The following TAFA2 variants were observed in gnomAD, a reference collection of about 807,000 sequenced individuals.
The protein encoded by TAFA2 is TAFA chemokine like family member 2.
In TAFA2, 7 loss-of-function variants were observed where a neutral mutation model predicts 18.8. That is an observed-to-expected ratio of 0.37 (90% CI 0.21 to 0.70). The LOEUF is 0.70. Among genes scored for constraint, TAFA2 ranks in the 30% least tolerant of loss-of-function variants. The pLI is 0.53. For synonymous variants in TAFA2, 60 were observed against 54.2 expected (o/e 1.11, Z -0.47); for missense variants, 122 against 158.1 (o/e 0.77, Z 1.23).
At chr12:61,761,230 T>A (rs1455293021) in intron 2 of TAFA2, among the ~76,000 whole-genome samples, 1 of 152,072 alleles carries the variant, frequency 6.6e-6, no homozygotes, top group Non-Finnish European at 1.5e-5. Context: ...TCAAGCTGCT[T>A]TTTTGATGTA....
intron 1 of TAFA2, among the ~76,000 whole-genome samples, chr12:62,082,556 G>A (rs868727834): frequency 1.3e-5 from 2 of 152,210 alleles, no homozygotes; most frequent in South Asian, 4.2e-4. Context: ...TGAGGCGCTG[G>A]GGCTATCTGA....
At position 61,708,308 on chromosome 12, in the gene TAFA2, A is replaced by G. The variant is rs1869235839; in HGVS notation, c.*2098T>C. On this transcript the variant is annotated 3_prime_UTR_variant, in exon 5 of 5. Coordinates refer to ENST00000416284, the MANE Select transcript of TAFA2 (RefSeq NM_178539.5). ...ATCCCAATTTTATTCACCTTTTCTG[A>G]ATAGTCACAACATTAATCTACTGGG... 6.6e-6 allele frequency: 1 copy of G among 152,148 alleles called. No individual in the cohort carries two copies. Among genetic ancestry groups the G allele is most frequent in the South Asian group, 2.1e-4 (1 of 4,828 alleles). 9.4% of individuals were successfully genotyped at this position (152,148 alleles called of 1,614,324 possible).
At chr12:62,254,473 G>A (rs2062928871) in intron 1 of TAFA2, among the ~76,000 whole-genome samples, 1 of 152,026 alleles carries the variant, frequency 6.6e-6, no homozygotes, top group African/African-American at 2.4e-5. Context: ...TAAATTATTT[G>A]TAGAGGTATA....
chr12:61,921,598 G>A (rs1357973333), intron 1 of TAFA2, among the ~76,000 whole-genome samples: 1 of 151,986 alleles, frequency 6.6e-6, no homozygotes, highest in Non-Finnish European at 1.5e-5. Context: ...TGTGTGCAGT[G>A]GGATCAAGAT....
At chr12:61,974,883 C>T (rs111437820) in intron 1 of TAFA2, among the ~76,000 whole-genome samples, 20 of 151,822 alleles carry the variant, frequency 1.3e-4, no homozygotes, top group East Asian at 3.9e-4. Context: ...GTGAGTTCAT[C>T]GAAGTATCAG....
chr12:62,169,937 C>T lies in TAFA2; in HGVS notation c.-2+21322G>A, dbSNP rs2062465859. On this transcript the variant is annotated intron_variant, in intron 1 of 4. Transcript: ENST00000416284. ...TTTTGTTAATTTGTTCTACCCAAAA[C>T]TGATAGTAGCTGTATAATAAAAATG... 5.3e-5 allele frequency among the ~76,000 whole-genome samples: 8 copies of T among 150,040 alleles called. 1 individual carries two copies. The South Asian group carries it at 1.7e-3, about 31-fold the overall frequency.
At chr12:61,886,693 G>A (rs958513234) in intron 1 of TAFA2, among the ~76,000 whole-genome samples, 2 of 152,116 alleles carry the variant, frequency 1.3e-5, no homozygotes, top group Non-Finnish European at 2.9e-5. Flanking sequence ...TAATTGAAAG[G>A]ATGTACATTA....
intron 2 of TAFA2, among the ~76,000 whole-genome samples, chr12:61,789,543 A>T (rs111463332): frequency 0.018 from 2,690 of 151,878 alleles, 74 homozygotes; most frequent in African/African-American, 0.06. Context: ...GCCTGTCAGG[A>T]GGCTGGGGGC....
chr12:61,812,059 C>T lies in TAFA2; in HGVS notation c.106+55261G>A, dbSNP rs1565642533. Among the ~76,000 whole-genome samples, 5 of 151,136 alleles carry T rather than the reference C, an allele frequency of 3.3e-5. No individual in the cohort carries two copies. In the East Asian group the frequency reaches 9.7e-4, roughly 29 times the overall value. On this transcript the variant is annotated intron_variant, in intron 2 of 4. Coordinates refer to ENST00000416284, the MANE Select transcript of TAFA2 (RefSeq NM_178539.5). ...TATGTGATTAATGATAGTGAGAAGG[C>T]CTACTCAAAAATCTCATGGGGCCAA...
intron 1 of TAFA2, among the ~76,000 whole-genome samples, chr12:61,993,686 G>T (rs1459619293): frequency 6.6e-6 from 1 of 152,120 alleles, no homozygotes; most frequent in Admixed American, 6.5e-5. Context: ...TTCTGTCCAT[G>T]CTAATCCCTA....
intron 1 of TAFA2, among the ~76,000 whole-genome samples, chr12:61,979,769 C>G (rs141791161): frequency 1.3e-5 from 2 of 152,094 alleles, no homozygotes; most frequent in East Asian, 1.9e-4. Context: ...GGCACCACCC[C>G]CTCCCCAGTG....
intron 1 of TAFA2, among the ~76,000 whole-genome samples, chr12:62,248,302 C>A (rs2062896814): frequency 1.3e-5 from 2 of 152,172 alleles, no homozygotes; most frequent in African/African-American, 4.8e-5. Context: ...TGTTAAGGGA[C>A]AGAATGTCTT....
chr12:62,093,377 T>C (rs2136837813), intron 1 of TAFA2, among the ~76,000 whole-genome samples: 1 of 152,144 alleles, frequency 6.6e-6, no homozygotes, highest in East Asian at 1.9e-4. Flanking sequence ...CAAATACATG[T>C]AATTAAAATA....
intron 2 of TAFA2, among the ~76,000 whole-genome samples, chr12:61,792,086 C>T (rs1366219245): frequency 6.6e-6 from 1 of 151,456 alleles, no homozygotes; most frequent in Non-Finnish European, 1.5e-5. Context: ...CTGAAGACAA[C>T]TGTGTTAAGT....
At chr12:61,879,913 G>T (rs1875043313) in intron 1 of TAFA2, 1 of 902,618 alleles carries the variant, frequency 1.1e-6, no homozygotes, top group Non-Finnish European at 1.9e-6. Flanking sequence ...TCCTCATCGA[G>T]AAGGATGTGG....
intron 1 of TAFA2, among the ~76,000 whole-genome samples, chr12:61,952,639 G>A (rs959376115): frequency 7.2e-5 from 11 of 151,976 alleles, no homozygotes; most frequent in Non-Finnish European, 1.6e-4. Context: ...AGCAACTGAC[G>A]TCTTTATCTC....
chr12:61,736,966 CT>C (rs1156397981), intron 4 of TAFA2, among the ~76,000 whole-genome samples: 2 of 151,958 alleles, frequency 1.3e-5, no homozygotes, highest in African/African-American at 4.8e-5. Flanking sequence ...GCACTAATTT[CT>C]TCAACTTTCC....
intron 4 of TAFA2, among the ~76,000 whole-genome samples, chr12:61,710,628 C>T (rs1409681262): frequency 1.3e-5 from 2 of 151,964 alleles, no homozygotes; most frequent in African/African-American, 2.4e-5. Context: ...ATTTTTAAAG[C>T]CATTTGCACA....
intron 1 of TAFA2, among the ~76,000 whole-genome samples, chr12:61,956,396 A>T (rs892583925): frequency 2.0e-5 from 3 of 152,138 alleles, no homozygotes; most frequent in African/African-American, 7.2e-5. Flanking sequence ...AAATCAAAAA[A>T]TAGGAGAGAA....
Sources: gnomAD v4.1 joint callset for allele counts (sites outside exome capture counted in the v4.1 genomes callset) on GRCh38, gnomAD v4.1.1 for gene constraint, MANE v1.5 for transcripts, NCBI Gene and HGNC (gene_info 2026-07-23, HGNC 2026-07-21) for gene names.